The following RBMX variants were observed in gnomAD, a reference collection of about 807,000 sequenced individuals.
RBMX encodes RNA-binding motif protein, X chromosome.
Under a neutral mutation model 29.3 loss-of-function variants are expected in RBMX, and 1 was observed. The observed-to-expected ratio is 0.03, with a 90% confidence interval of 0.01 to 0.16. The LOEUF is 0.16. Ranked by LOEUF, RBMX falls within the 10% of genes least tolerant of loss-of-function variation. The probability of loss-of-function intolerance (pLI) is 1.00; values close to 1 mark genes in which losing one functional copy is unlikely to be tolerated. For missense variants in RBMX, 121 were observed against 333.2 expected, an observed-to-expected ratio of 0.36 and a Z score of 4.96; for synonymous variants, 102 against 102.3, an observed-to-expected ratio of 1.00 and a Z score of 0.02.
At chrX:136,875,901 A>C (rs1243604291) in intron 5 of RBMX, among the ~76,000 whole-genome samples, 1 of 109,037 alleles carries the variant, frequency 9.2e-6, no homozygotes, top group Non-Finnish European at 1.9e-5. Flanking sequence ...TTCTGGGTTC[A>C]AGTGATTCTC....
Position 136,875,465 on chromosome X carries a change from T to C in RBMX, c.656+6A>G. 1.7e-6 allele frequency: 2 copies of C among 1,209,598 alleles called. No individual in the cohort carries two copies. The highest frequency in any genetic ancestry group is 2.2e-6 in the Non-Finnish European group (2 of 894,734). ...ATTAATTTAAAAAGCTGCACTTTTC[T>C]ATTACCTGTCTTTAGTAGAATACCC... On this transcript the variant is annotated splice_donor_region_variant and intron_variant, in intron 6 of 8. Coordinates refer to ENST00000320676, the MANE Select transcript of RBMX (RefSeq NM_002139.4).
At chrX:136,879,894 G>C (rs2077780554) in intron 1 of RBMX, among the ~76,000 whole-genome samples, 1 of 111,520 alleles carries the variant, frequency 9.0e-6, no homozygotes, top group Non-Finnish European at 1.9e-5. Flanking sequence ...TCCTCATTAG[G>C]ATTCCCTACT....
intron 3 of RBMX, 128 bp from the exon 4 acceptor site, chrX:136,878,214 A>G (rs942676151): frequency 3.2e-4 from 175 of 544,318 alleles, no homozygotes; most frequent in Non-Finnish European, 4.7e-4. Context: ...AGTCTAAGAA[A>G]AAACACTGCA....
At position 136,876,698 on chromosome X, in the gene RBMX, A is replaced by T. The variant is rs761210357; in HGVS notation, c.389-43T>A. 4.7e-6 allele frequency: 5 copies of T among 1,070,410 alleles called. No individual in the cohort carries two copies. The African/African-American group carries it at 9.6e-5, about 21-fold the overall frequency. The allele number at this position is 1,070,410 out of a possible 1,213,427, so 88.2% of individuals were successfully genotyped here. ...AAGAAAAATATTACTACTCACAAGA[A>T]TCAAGAAAGATATAAAAGTTTTTTT... On this transcript the variant is annotated intron_variant, in intron 4 of 8. Coordinates refer to ENST00000320676, the MANE Select transcript of RBMX (RefSeq NM_002139.4).
rs771667003 is a variant in RBMX, at chrX:136,875,245, CAA to C, written c.782+11_782+12del. On this transcript the variant is annotated intron_variant, in intron 7 of 8. Transcript: ENST00000320676. ...TTTTCTTACATGTAAGCCACAGAAG[CAA>C]AGTCACTTACCTATATCCTCTTGAT... is the stretch of plus-strand genomic sequence containing the variant. The C allele has an allele frequency of 9.3e-5, 113 of 1,209,505 alleles. No individual in the cohort carries two copies. Among genetic ancestry groups the C allele is most frequent in the Non-Finnish European group, 1.2e-4 (103 of 894,979 alleles).
Position 136,878,096 on chromosome X carries a change from A to G in RBMX, c.217-10T>C, listed in dbSNP as rs761974513. ...CTTTTCCATCTAATGACTAAAAAAA[A>G]AGATACGATTAAATTAAATCAAGAT... On this transcript the variant is annotated splice_polypyrimidine_tract_variant and intron_variant, in intron 3 of 8. Transcript: ENST00000320676. 2 of 1,130,801 alleles carry G rather than the reference A, an allele frequency of 1.8e-6. No individual in the cohort carries two copies. The highest frequency in any genetic ancestry group is 2.4e-6 in the Non-Finnish European group (2 of 842,432). 93.2% of individuals were successfully genotyped at this position (1,130,801 alleles called of 1,213,427 possible).
At chrX:136,872,172 A>G (rs759014012), downstream of RBMX, 444 of 656,995 alleles carry the variant, frequency 6.8e-4, 1 homozygote, top group South Asian at 1.1e-3. Context: ...TTTACAGATG[A>G]AGTGAGGACC....
chrX:136,872,524 G>C, downstream of RBMX: 1 of 449,851 alleles, frequency 2.2e-6, no homozygotes, highest in Non-Finnish European at 3.9e-6. Flanking sequence ...GGATGGACTG[G>C]AATGGCTTAA....
intron 1 of RBMX, among the ~76,000 whole-genome samples, chrX:136,880,198 A>C (rs2077784063): frequency 8.9e-6 from 1 of 111,816 alleles, no homozygotes; most frequent in Non-Finnish European, 1.9e-5. Flanking sequence ...TTTACCACCA[A>C]CATTGGCTGG....
At chrX:136,872,157 T>C, downstream of RBMX, 2 of 580,668 alleles carry the variant, frequency 3.4e-6, no homozygotes. Flanking sequence ...CAAGCAGCGT[T>C]TTCTTTTACA....
rs1491575416 is a variant in RBMX at position 136,877,341 on chromosome X, C to CCAA, written c.388+573_388+574insTTG. 2.7e-5 allele frequency among the ~76,000 whole-genome samples: 2 copies of CCAA among 73,651 alleles called. 1 individual carries two copies. Among genetic ancestry groups the CCAA allele is most frequent in the Non-Finnish European group, 5.3e-5 (2 of 37,392 alleles). The allele number at this position is 73,651 out of a possible 115,157, so 64.0% of individuals were successfully genotyped here. On this transcript the variant is annotated intron_variant, in intron 4 of 8. Coordinates refer to ENST00000320676, the MANE Select transcript of RBMX (RefSeq NM_002139.4). Reference sequence around the variant, plus strand: ...GTGCTAAACTCTACCCCCCCCCCCCCAAAAAAAAACCATTATTGATTTGGG... The same window carrying CCAA: ...GTGCTAAACTCTACCCCCCCCCCCCCCAAAAAAAAAAACCATTATTGATTTGGG...
At chrX:136,876,716 G>GTT (rs199725935) in intron 4 of RBMX, 61 bp from the exon 5 acceptor site, 9,006 of 775,916 alleles carry the variant, frequency 0.012, no homozygotes, top group Non-Finnish European at 0.012. Flanking sequence ...AGATATAAAA[G>GTT]TTTTTTTTTT....
At chrX:136,879,563 T>A (rs2077776137) in intron 1 of RBMX, 110 bp from the exon 2 acceptor site, 2 of 675,071 alleles carry the variant, frequency 3.0e-6, no homozygotes, top group African/African-American at 2.2e-5. Flanking sequence ...TGTTCCTTAA[T>A]AACTAAAGAA....
intron 5 of RBMX, among the ~76,000 whole-genome samples, chrX:136,876,029 G>A (rs142703279): frequency 0.042 from 4,559 of 109,664 alleles, 169 homozygotes; most frequent in African/African-American, 0.12. Context: ...CTCGAACTCC[G>A]GGCCTCATGA....
At chrX:136,877,246 C>A (rs1269914475) in intron 4 of RBMX, among the ~76,000 whole-genome samples, 2 of 103,506 alleles carry the variant, frequency 1.9e-5, no homozygotes, top group African/African-American at 7.0e-5. Context: ...GCAGGACAAT[C>A]GCCTGAACCT....
chrX:136,871,822 T>TG (rs1481999454), downstream of RBMX, among the ~76,000 whole-genome samples: 2 of 102,586 alleles, frequency 1.9e-5, no homozygotes, highest in African/African-American at 7.0e-5. Context: ...TTTTTTTTTT[T>TG]TTTTTTTTTT....
intron 5 of RBMX, 89 bp from the exon 6 acceptor site, chrX:136,875,674 T>C: frequency 9.2e-7 from 1 of 1,084,808 alleles, no homozygotes. Context: ...ATAATGAGAC[T>C]GACTTCAAAG....
chrX:136,876,441 A>G, intron 5 of RBMX, 62 bp downstream of exon 5: 1 of 1,087,700 alleles, frequency 9.2e-7, no homozygotes, highest in Non-Finnish European at 1.2e-6. Context: ...TTTAAGCATC[A>G]TTCACCTCTC....
downstream of RBMX, chrX:136,872,418 C>T (rs1477678202): frequency 1.1e-6 from 1 of 917,479 alleles, no homozygotes; most frequent in African/African-American, 2.0e-5. Flanking sequence ...CTATTACTGC[C>T]CTCTTTTCCA....
Sources: allele counts gnomAD v4.1 joint callset (sites outside exome capture counted in the v4.1 genomes callset), GRCh38; gene constraint gnomAD v4.1.1; transcripts MANE v1.5; gene names NCBI Gene and HGNC (gene_info 2026-07-23, HGNC 2026-07-21).